Variants in UGT8 observed in about 807,000 individuals in gnomAD.
UGT8 encodes the protein UDP glycosyltransferase 8.
UGT8 carries 12 observed loss-of-function variants against 40.5 expected under a neutral mutation model. The ratio of observed to expected loss-of-function variants is 0.30; its 90% confidence interval spans 0.19 to 0.48. The LOEUF (loss-of-function observed/expected upper bound fraction) is 0.48. Ranked by LOEUF, UGT8 falls within the 20% of genes least tolerant of loss-of-function variation. UGT8 has a pLI of 0.99. For synonymous variants in UGT8, 224 were observed against 240.4 expected (o/e 0.93, Z 0.63); for missense variants, 513 against 648.7 (o/e 0.79, Z 2.27).
At chr4:114,647,946 C>T in intron 2 of UGT8, among the ~76,000 whole-genome samples, 1 of 152,096 alleles carries the variant, frequency 6.6e-6, no homozygotes. Context: ...ATAGATATTC[C>T]AATTCATGGA....
Position 114,668,302 on chromosome 4 carries a change from C to T in UGT8, c.1260C>T (p.Pro420=), listed in dbSNP as rs771664388. ...YEALVKVINN[P]SYRQRAQKLS... ...CACTAGTGAAGGTTATCAATAATCC[C>T]AGGTAAGGTTTCAATTAACATTAAA... is the stretch of plus-strand genomic sequence containing the variant. The change falls in exon 5 of 6, where the codon CCC becomes CCT. Residue 420 remains proline, a splice_region_variant and synonymous_variant. Coordinates refer to ENST00000310836, the MANE Select transcript of UGT8 (RefSeq NM_001128174.3). 1.9e-6 allele frequency: 3 copies of T among 1,613,176 alleles called. No individual in the cohort carries two copies. Among genetic ancestry groups the T allele is most frequent in the Non-Finnish European group, 2.5e-6 (3 of 1,179,342 alleles).
chr4:114,600,403 G>T (rs1560659392), intron 1 of UGT8, among the ~76,000 whole-genome samples: 1 of 152,080 alleles, frequency 6.6e-6, no homozygotes, highest in African/African-American at 2.4e-5. Flanking sequence ...ATAATTTCAT[G>T]TTCAAAAACG....
intron 4 of UGT8, among the ~76,000 whole-genome samples, chr4:114,666,515 A>G (rs1182778794): frequency 6.6e-6 from 1 of 152,080 alleles, no homozygotes; most frequent in Non-Finnish European, 1.5e-5. Flanking sequence ...AAAAGAATAC[A>G]AGGCAATTTA....
At chr4:114,645,479 A>G (rs1383938903) in intron 2 of UGT8, among the ~76,000 whole-genome samples, 1 of 152,122 alleles carries the variant, frequency 6.6e-6, no homozygotes, top group East Asian at 1.9e-4. Context: ...TTTGGACACT[A>G]TAGAGTTAAT....
intron 2 of UGT8, among the ~76,000 whole-genome samples, chr4:114,650,775 C>A (rs895836088): frequency 6.6e-6 from 1 of 152,036 alleles, no homozygotes; most frequent in African/African-American, 2.4e-5. Context: ...AAAACAACAA[C>A]AACAAAACAA....
At chr4:114,606,993 T>C (rs183319906) in intron 1 of UGT8, among the ~76,000 whole-genome samples, 2 of 152,260 alleles carry the variant, frequency 1.3e-5, no homozygotes, top group African/African-American at 2.4e-5. Context: ...GGTGGGAAAA[T>C]GTTATAGTTA....
At chr4:114,621,921 T>TG (rs1424800019) in intron 1 of UGT8, among the ~76,000 whole-genome samples, 12 of 152,282 alleles carry the variant, frequency 7.9e-5, no homozygotes, top group Admixed American at 7.9e-4. Flanking sequence ...TGATTTTTTT[T>TG]GTATGTTAGT....
chr4:114,631,263 C>T (rs1375300430), intron 2 of UGT8, among the ~76,000 whole-genome samples: 2 of 152,138 alleles, frequency 1.3e-5, no homozygotes, highest in Admixed American at 1.3e-4. Context: ...AGGTGGATCA[C>T]CTGAGGTCAG....
intron 2 of UGT8, chr4:114,656,696 G>A (rs1487096786): frequency 1.6e-5 from 7 of 445,180 alleles, no homozygotes; most frequent in Non-Finnish European, 3.2e-5. Flanking sequence ...ATACTTTGTT[G>A]TGATCTTGGT....
At chr4:114,671,448 A>G (rs1409482627) in intron 5 of UGT8, among the ~76,000 whole-genome samples, 1 of 152,206 alleles carries the variant, frequency 6.6e-6, no homozygotes, top group Non-Finnish European at 1.5e-5. Context: ...GCAGTAACTA[A>G]AATAGCATGG....
At chr4:114,611,445 T>TACACAC (rs66529253) in intron 1 of UGT8, among the ~76,000 whole-genome samples, 10 of 104,742 alleles carry the variant, frequency 9.5e-5, no homozygotes, top group African/African-American at 4.5e-4. Context: ...TATATATATA[T>TACACAC]ACACACACAC....
intron 2 of UGT8, among the ~76,000 whole-genome samples, chr4:114,657,774 A>G (rs1734277774): frequency 6.6e-6 from 1 of 152,050 alleles, no homozygotes; most frequent in South Asian, 2.1e-4. Flanking sequence ...CAGGGAAGAG[A>G]ACAGCATAAT....
At position 114,621,243 on chromosome 4, in the gene UGT8, T is replaced by A. The variant is rs188999117; in HGVS notation, c.-2-1636T>A. ...GAGTTAAAGGTACAACATAGAAGTG[T>A]GGTCTGAGACATAATCATTCATCAG... On this transcript the variant is annotated intron_variant, in intron 1 of 5. Transcript: ENST00000310836. Among the ~76,000 whole-genome samples the A allele has an allele frequency of 7.6e-4, 116 of 152,316 alleles. 1 individual carries two copies. The highest frequency in any genetic ancestry group is 3.7e-3 in the Admixed American group (57 of 15,286).
rs777634317 is a variant in UGT8, at chr4:114,676,030, A to G, written c.1368A>G (p.Gly456=). The change falls in exon 6 of 6, where the codon GGA becomes GGG. Residue 456 remains glycine, a synonymous_variant. Transcript: ENST00000310836. ...YWIDYIIRHN[G]AHHLRAAVHQ... ...TAGATTATATTATTCGTCACAATGG[A>G]GCCCATCACCTACGTGCCGCTGTCC... is the stretch of plus-strand genomic sequence containing the variant. 1 of 1,614,234 alleles carries G rather than the reference A, an allele frequency of 6.2e-7. No homozygotes were observed. The highest frequency in any genetic ancestry group is 1.1e-5 in the South Asian group (1 of 91,086).
chr4:114,643,786 T>C (rs1733376332), intron 2 of UGT8, among the ~76,000 whole-genome samples: 1 of 152,114 alleles, frequency 6.6e-6, no homozygotes, highest in Non-Finnish European at 1.5e-5. Context: ...TTTTTTAATA[T>C]GCTATTTGGA....
chr4:114,636,417 C>T (rs777012528), intron 2 of UGT8, among the ~76,000 whole-genome samples: 10 of 152,112 alleles, frequency 6.6e-5, no homozygotes, highest in Admixed American at 2.0e-4. Context: ...AAAATCAAAC[C>T]GGACAAAGCA....
At chr4:114,600,618 T>G (rs1034335244) in intron 1 of UGT8, among the ~76,000 whole-genome samples, 4 of 152,216 alleles carry the variant, frequency 2.6e-5, no homozygotes, top group Non-Finnish European at 5.9e-5. Flanking sequence ...CACTCAGTTA[T>G]TAAGCCCAGT....
intron 1 of UGT8, among the ~76,000 whole-genome samples, chr4:114,602,853 C>T (rs924353310): frequency 2.0e-5 from 3 of 152,156 alleles, no homozygotes; most frequent in Non-Finnish European, 4.4e-5. Flanking sequence ...GTTTGCCATT[C>T]TCAGGAGTAT....
intron 2 of UGT8, among the ~76,000 whole-genome samples, chr4:114,644,216 A>G (rs1244777544): frequency 6.6e-6 from 1 of 152,184 alleles, no homozygotes; most frequent in Non-Finnish European, 1.5e-5. Context: ...GAAGATGGTT[A>G]GGAAGTCTGT....
Sources: gnomAD v4.1 joint callset for allele counts (sites outside exome capture counted in the v4.1 genomes callset) on GRCh38, gnomAD v4.1.1 for gene constraint, MANE v1.5 for transcripts, NCBI Gene and HGNC (gene_info 2026-07-23, HGNC 2026-07-21) for gene names.